The following ELMO2 variants were observed in gnomAD, a reference collection of about 807,000 sequenced individuals.
The protein encoded by ELMO2 is engulfment and cell motility 2, also known as engulfment and cell motility protein 2.
A neutral mutation model predicts 96.2 loss-of-function variants in ELMO2; 37 were observed. That is an observed-to-expected ratio of 0.38 (90% CI 0.30 to 0.51). The LOEUF is 0.51. ELMO2 is among the 20% of genes least tolerant of loss of function. The probability of loss-of-function intolerance (pLI) is 0.88; values close to 1 mark genes in which losing one functional copy is unlikely to be tolerated. For missense variants in ELMO2, 561 were observed against 912.6 expected, an observed-to-expected ratio of 0.61 and a Z score of 4.96; for synonymous variants, 315 against 329.4, an observed-to-expected ratio of 0.96 and a Z score of 0.47.
At chr20:46,377,043 G>A in intron 11 of ELMO2, 2 of 283,414 alleles carry the variant, frequency 7.1e-6, no homozygotes, top group South Asian at 6.5e-5. Context: ...ACTTTAGAGA[G>A]GTATCTGACT....
intron 6 of ELMO2, among the ~76,000 whole-genome samples, chr20:46,391,821 G>C (rs2060155385): frequency 6.6e-6 from 1 of 152,176 alleles, no homozygotes; most frequent in African/African-American, 2.4e-5. Flanking sequence ...GGAGTTGCGG[G>C]GAGACCTTTT....
At chr20:46,368,521 T>C (rs1370248886) in intron 21 of ELMO2, among the ~76,000 whole-genome samples, 2 of 152,168 alleles carry the variant, frequency 1.3e-5, no homozygotes, top group African/African-American at 4.8e-5. Context: ...GACTCATTCC[T>C]AGTTGACCTT....
Position 46,374,323 on chromosome 20 carries a change from G to A in ELMO2, c.1279+9C>T. The stretch of plus-strand genomic sequence containing the variant: ...AATGGCTGAAGAAGAGGGAGCTGCA[G>A]AGACTTACGTAGTTCCCCAACCTGC... On this transcript the variant is annotated intron_variant, in intron 15 of 21. Coordinates refer to ENST00000290246, the MANE Select transcript of ELMO2 (RefSeq NM_133171.5). 6.2e-7 allele frequency: 1 copy of A among 1,609,338 alleles called. No homozygotes were observed. Among genetic ancestry groups the A allele is most frequent in the South Asian group, 1.1e-5 (1 of 90,980 alleles).
intron 15 of ELMO2, 68 bp downstream of exon 15, chr20:46,374,263 TA>T (rs1158992442): frequency 7.6e-7 from 1 of 1,321,790 alleles, no homozygotes; most frequent in Admixed American, 1.7e-5. Flanking sequence ...TAACTGTTTA[TA>T]ATTTTGAGTC....
At chr20:46,383,190 G>A (rs2059987139) in intron 10 of ELMO2, among the ~76,000 whole-genome samples, 1 of 152,156 alleles carries the variant, frequency 6.6e-6, no homozygotes, top group Non-Finnish European at 1.5e-5. Flanking sequence ...AGAGGAAAAA[G>A]TTTGAAGGGC....
chr20:46,387,467 A>C, intron 7 of ELMO2, 30 bp from the exon 8 acceptor site: 4 of 1,578,350 alleles, frequency 2.5e-6, no homozygotes, highest in Non-Finnish European at 3.5e-6. Context: ...CACACAAAAT[A>C]GACAAAGATT....
intron 2 of ELMO2, among the ~76,000 whole-genome samples, chr20:46,395,963 T>C (rs2060237467): frequency 6.6e-6 from 1 of 152,258 alleles, no homozygotes; most frequent in Non-Finnish European, 1.5e-5. Flanking sequence ...GTCATAACGG[T>C]TGACAGAACT....
chr20:46,399,552 C>T lies in ELMO2; in HGVS notation c.-125-781G>A, dbSNP rs1190005862. ...AATAGGACAGGGGCCTCTGTGTTCT[C>T]ACAGCATCCTGTTCATACTTCCGTT... On this transcript the variant is annotated intron_variant, in intron 1 of 21. Transcript: ENST00000290246. Among the ~76,000 whole-genome samples the T allele has an allele frequency of 2.6e-5, 4 of 152,320 alleles. No homozygotes were observed. In the South Asian group the frequency reaches 8.3e-4, roughly 32 times the overall value.
intron 10 of ELMO2, 43 bp from the exon 11 acceptor site, chr20:46,380,346 C>A: frequency 2.0e-6 from 3 of 1,532,088 alleles, no homozygotes; most frequent in Non-Finnish European, 2.7e-6. Context: ...GTGGCAGGCA[C>A]ACACCTGTGA....
chr20:46,387,096 A>G (rs2060059406), intron 8 of ELMO2, among the ~76,000 whole-genome samples: 1 of 152,182 alleles, frequency 6.6e-6, no homozygotes. Flanking sequence ...CTGACAATCT[A>G]ATTCTACTTT....
chr20:46,393,883 G>C (rs2060200548), intron 4 of ELMO2, 166 bp downstream of exon 4: 5 of 941,936 alleles, frequency 5.3e-6, no homozygotes, highest in Non-Finnish European at 7.9e-6. Context: ...AAACGTCTTA[G>C]GGGTATGGTT....
chr20:46,368,834 C>T, intron 21 of ELMO2, 57 bp downstream of exon 21: 2 of 1,593,030 alleles, frequency 1.3e-6, no homozygotes, highest in Non-Finnish European at 1.7e-6. Context: ...ATTCCTGCCA[C>T]CAACTGAAGA....
Position 46,386,200 on chromosome 20 carries a change from C to A in ELMO2, c.601G>T (p.Val201Phe), listed in dbSNP as rs200876773. The change falls in exon 9 of 22, where the codon GTC becomes TTC. Residue 201 changes from valine (V) to phenylalanine (F), a missense_variant. Val to Phe is a conservative substitution (Grantham distance 50). Coordinates refer to ENST00000290246, the MANE Select transcript of ELMO2 (RefSeq NM_133171.5). ...TGGTACAGACTCTGGCTGTTCAAGA[C>A]CATGCTCTCCAGGATGGCCAGGGAC... ...QRSLAILESMVLNSQSLYQKI... is the reference protein window; with the variant it reads ...QRSLAILESMFLNSQSLYQKI... 1 of 1,614,162 alleles carries A rather than the reference C, an allele frequency of 6.2e-7. No homozygotes were observed.
At chr20:46,405,894 C>CA (rs950063722) in intron 1 of ELMO2, among the ~76,000 whole-genome samples, 14 of 150,092 alleles carry the variant, frequency 9.3e-5, no homozygotes, top group South Asian at 2.1e-4. Flanking sequence ...GGAAAGGTTT[C>CA]AAAAAAAAAG....
At chr20:46,391,188 G>A (rs2060144138) in intron 6 of ELMO2, among the ~76,000 whole-genome samples, 1 of 152,188 alleles carries the variant, frequency 6.6e-6, no homozygotes, top group Non-Finnish European at 1.5e-5. Context: ...CTTAAGATGA[G>A]AAGAGTTCAG....
At position 46,371,546 on chromosome 20, in the gene ELMO2, C is replaced by T. The variant is rs774341686; in HGVS notation, c.1693+33G>A. 5 of 1,604,290 alleles carry T rather than the reference C, an allele frequency of 3.1e-6. No homozygotes were observed. In the Admixed American group the frequency reaches 6.8e-5, roughly 22 times the overall value. On this transcript the variant is annotated intron_variant, in intron 18 of 21. Transcript: ENST00000290246. The surrounding 1 kb of genome is among the most constrained non-coding windows in gnomAD (Gnocchi z 5.9). ...AAAGGGGCCATCCAGGCAGGCTCTT[C>T]CCGGCACCAAGGATTGCCCCGTCTC...
Position 46,370,447 on chromosome 20 carries a change from T to A in ELMO2, c.1880A>T (p.Asn627Ile). 1 of 1,614,192 alleles carries A rather than the reference T, an allele frequency of 6.2e-7. No individual in the cohort carries two copies. The highest frequency in any genetic ancestry group is 8.5e-7 in the Non-Finnish European group (1 of 1,179,994). Residue 627 changes from asparagine to isoleucine, a missense_variant, in exon 20 of 22, where the codon AAC (asparagine) becomes ATC (isoleucine). Coordinates refer to ENST00000290246, the MANE Select transcript of ELMO2 (RefSeq NM_133171.5). ...HMKEKSALKQ[N>I]KEVLELAFSI... is the part of the protein sequence containing the mutation. ...CAAACTGGCCTCTCTACTCACCTTG[T>A]TCTGTTTCAGAGCACTTTTCTCTTT...
At chr20:46,387,971 T>C (rs544256022) in intron 7 of ELMO2, among the ~76,000 whole-genome samples, 1 of 152,356 alleles carries the variant, frequency 6.6e-6, no homozygotes, top group African/African-American at 2.4e-5. Context: ...AAGATGATGA[T>C]GTATGCAAAG....
chr20:46,387,619 G>GT (rs1159149884), intron 7 of ELMO2, 182 bp from the exon 8 acceptor site: 1 of 178,422 alleles, frequency 5.6e-6, no homozygotes, highest in African/African-American at 2.9e-5. Flanking sequence ...TTCAGCCCAG[G>GT]TATCTATCGC....
Sources: allele counts gnomAD v4.1 joint callset (sites outside exome capture counted in the v4.1 genomes callset), GRCh38; gene constraint gnomAD v4.1.1; non-coding constraint Gnocchi (gnomAD v3.1); transcripts MANE v1.5; gene names NCBI Gene and HGNC (gene_info 2026-07-23, HGNC 2026-07-21).